EHBP1: variants seen among roughly 807,000 people sequenced by gnomAD.
The protein encoded by EHBP1 is EH domain-binding protein 1.
A neutral mutation model predicts 144.0 loss-of-function variants in EHBP1; 55 were observed. That is an observed-to-expected ratio of 0.38 (90% confidence interval 0.31 to 0.48). The LOEUF (loss-of-function observed/expected upper bound fraction) is 0.48, where lower values mean the gene tolerates loss of function less well. Ranked by LOEUF, EHBP1 falls within the 20% of genes least tolerant of loss-of-function variation. The pLI, the probability that EHBP1 is intolerant of heterozygous loss-of-function variation, is 0.98. For missense variants in EHBP1, 1,200 were observed against 1,364.2 expected (o/e 0.88, Z 1.90); for synonymous variants, 469 against 472.7 (o/e 0.99, Z 0.10).
intron 10 of EHBP1, among the ~76,000 whole-genome samples, chr2:62,902,008 A>C (rs753498448): frequency 5.9e-5 from 9 of 152,154 alleles, no homozygotes; most frequent in Non-Finnish European, 1.0e-4. Flanking sequence ...CCAAGTATCA[A>C]GAACATTATT....
At chr2:62,798,596 T>G (rs868010026) in intron 5 of EHBP1, among the ~76,000 whole-genome samples, 1 of 152,206 alleles carries the variant, frequency 6.6e-6, no homozygotes. Flanking sequence ...ACCTATTTCA[T>G]AGAATTTTTG....
chr2:62,872,659 T>C (rs2050581614), intron 9 of EHBP1, among the ~76,000 whole-genome samples: 1 of 152,146 alleles, frequency 6.6e-6, no homozygotes, highest in South Asian at 2.1e-4. Flanking sequence ...TTTTAGTATG[T>C]TCACTATATT....
At chr2:62,729,918 T>C (rs111387129) in intron 2 of EHBP1, among the ~76,000 whole-genome samples, 183 of 152,132 alleles carry the variant, frequency 1.2e-3, no homozygotes, top group African/African-American at 4.0e-3. Flanking sequence ...TGGGGTAGTT[T>C]TAATATGTAC....
At chr2:63,024,997 GA>G (rs112675485) in intron 19 of EHBP1, among the ~76,000 whole-genome samples, 71 of 142,294 alleles carry the variant, frequency 5.0e-4, no homozygotes, top group South Asian at 8.8e-4. Context: ...TCCACTCTGG[GA>G]AAAAAAAAAA....
At chr2:62,783,986 A>G (rs942640108) in intron 5 of EHBP1, among the ~76,000 whole-genome samples, 4 of 152,178 alleles carry the variant, frequency 2.6e-5, no homozygotes, top group African/African-American at 9.7e-5. Context: ...TCTGCTGGAT[A>G]CCCTAAATCA....
At chr2:62,972,871 T>C (rs2058558155) in intron 14 of EHBP1, among the ~76,000 whole-genome samples, 1 of 152,208 alleles carries the variant, frequency 6.6e-6, no homozygotes, top group South Asian at 2.1e-4. Flanking sequence ...TAAATCTTGC[T>C]ACTTGAGAAT....
chr2:62,814,665 G>A (rs956941987), intron 5 of EHBP1, among the ~76,000 whole-genome samples: 7 of 152,180 alleles, frequency 4.6e-5, no homozygotes, highest in African/African-American at 1.7e-4. Context: ...TTATTATCAG[G>A]TACTTACTAT....
intron 10 of EHBP1, among the ~76,000 whole-genome samples, chr2:62,890,255 G>T (rs2052350205): frequency 6.6e-6 from 1 of 152,040 alleles, no homozygotes; most frequent in African/African-American, 2.4e-5. Flanking sequence ...ATTTAAAATA[G>T]TTTTTTCTAG....
At position 62,913,003 on chromosome 2, in the gene EHBP1, C is replaced by T. The variant is rs954134903; in HGVS notation, c.1186-29715C>T. On this transcript the variant is annotated intron_variant, in intron 10 of 22. Coordinates refer to ENST00000431489, the MANE Select transcript of EHBP1 (RefSeq NM_001142616.3). ...CACAAAGCCTCAAGCTGTACACTCT[C>T]TGATGAGGAGGGAAGAGTGGCTGGA... is the stretch of plus-strand genomic sequence containing the variant. Among the ~76,000 whole-genome samples the T allele has an allele frequency of 3.9e-5, 6 of 152,258 alleles. No homozygotes were observed. In the East Asian group the frequency reaches 5.8e-4, roughly 15 times the overall value.
At chr2:62,736,337 C>T (rs959399550) in intron 2 of EHBP1, among the ~76,000 whole-genome samples, 1 of 150,530 alleles carries the variant, frequency 6.6e-6, no homozygotes, top group Non-Finnish European at 1.5e-5. Flanking sequence ...AGGAATTCTG[C>T]CTCAGCCTCC....
chr2:62,957,582 G>A (rs2057764714), intron 14 of EHBP1, among the ~76,000 whole-genome samples: 1 of 135,588 alleles, frequency 7.4e-6, no homozygotes, highest in Non-Finnish European at 1.6e-5. Context: ...TTCGTACATA[G>A]AAAATTCCCC....
At chr2:62,963,759 A>G (rs1449265137) in intron 14 of EHBP1, among the ~76,000 whole-genome samples, 8 of 152,258 alleles carry the variant, frequency 5.3e-5, no homozygotes, top group Non-Finnish European at 2.9e-5. Flanking sequence ...TAGTTAAAAA[A>G]TCTAAAACCT....
chr2:62,875,252 C>T (rs2050798070), intron 10 of EHBP1, among the ~76,000 whole-genome samples: 1 of 152,200 alleles, frequency 6.6e-6, no homozygotes, highest in Non-Finnish European at 1.5e-5. Flanking sequence ...AGTGATCTTG[C>T]CAGCAGACTG....
At position 62,969,337 on chromosome 2, in the gene EHBP1, G is replaced by A. The variant is rs1043991636; in HGVS notation, c.2461-9851G>A. On this transcript the variant is annotated intron_variant, in intron 14 of 22. Coordinates refer to ENST00000431489, the MANE Select transcript of EHBP1 (RefSeq NM_001142616.3). ...TTTAGCAACATTAACTTGATCTCAT[G>A]TATTCTTTTGTTTAGGATTCTTTAT... Among the ~76,000 whole-genome samples, 6 of 152,174 alleles carry A rather than the reference G, an allele frequency of 3.9e-5. No homozygotes were observed. In the East Asian group the frequency reaches 5.8e-4, roughly 15 times the overall value.
intron 18 of EHBP1, 140 bp downstream of exon 18, chr2:62,994,117 G>C: frequency 1.9e-6 from 1 of 519,934 alleles, no homozygotes; most frequent in South Asian, 3.1e-5. Context: ...AGTGAGAGGG[G>C]TGCACTGTTG....
intron 5 of EHBP1, among the ~76,000 whole-genome samples, chr2:62,795,485 A>C (rs1319486847): frequency 6.6e-6 from 1 of 152,070 alleles, no homozygotes; most frequent in Non-Finnish European, 1.5e-5. Flanking sequence ...TTATTCCCTC[A>C]GTCCAACTCC....
chr2:62,850,022 A>G (rs2048567023), intron 7 of EHBP1, among the ~76,000 whole-genome samples: 1 of 152,198 alleles, frequency 6.6e-6, no homozygotes, highest in African/African-American at 2.4e-5. Flanking sequence ...GATCCTAGGC[A>G]GAGGGAAGAG....
At chr2:62,839,958 T>A (rs2047659952) in intron 7 of EHBP1, among the ~76,000 whole-genome samples, 1 of 152,142 alleles carries the variant, frequency 6.6e-6, no homozygotes, top group Non-Finnish European at 1.5e-5. Context: ...AAGGTACCAA[T>A]GACTTTCTTC....
Position 62,885,523 on chromosome 2 carries a change from A to C in EHBP1, c.1185+10991A>C, listed in dbSNP as rs571755343. ...CACCTTTTACTGACTATGAATATAA[A>C]TTAATGAATATGCAAACTACTAGAT... On this transcript the variant is annotated intron_variant, in intron 10 of 22. Coordinates refer to ENST00000431489, the MANE Select transcript of EHBP1 (RefSeq NM_001142616.3). Among the ~76,000 whole-genome samples, 11 of 152,322 alleles carry C rather than the reference A, an allele frequency of 7.2e-5. No individual in the cohort carries two copies. The South Asian group carries it at 2.3e-3, about 32-fold the overall frequency.
Sources: gnomAD v4.1 joint callset for allele counts (sites outside exome capture counted in the v4.1 genomes callset) on GRCh38, gnomAD v4.1.1 for gene constraint, MANE v1.5 for transcripts, NCBI Gene and HGNC (gene_info 2026-07-23, HGNC 2026-07-21) for gene names.